The following GP2 variants were observed in gnomAD, a reference collection of about 807,000 sequenced individuals.
The protein encoded by GP2 is pancreatic secretory granule membrane major glycoprotein GP2.
GP2 carries 58 observed loss-of-function variants against 60.8 expected under a neutral mutation model. That is an observed-to-expected ratio of 0.95 (90% CI 0.77 to 1.19). The LOEUF is 1.19. Among genes scored for constraint, GP2 ranks in the 50% most tolerant of loss-of-function variants. The pLI is 0.00. For missense variants in GP2, 647 were observed against 667.4 expected (o/e 0.97, Z 0.34); for synonymous variants, 280 against 253.4 (o/e 1.10, Z -1.00).
At chr16:20,318,811 TA>T (rs944472723) in intron 6 of GP2, among the ~76,000 whole-genome samples, 12 of 152,326 alleles carry the variant, frequency 7.9e-5, no homozygotes, top group African/African-American at 2.9e-4. Context: ...TTTAACAAGA[TA>T]AATGGCTTTC....
At chr16:20,318,903 A>G (rs985558244) in intron 6 of GP2, among the ~76,000 whole-genome samples, 2 of 152,124 alleles carry the variant, frequency 1.3e-5, no homozygotes, top group African/African-American at 4.8e-5. Flanking sequence ...AATCCTTCTG[A>G]TCCTGTTGCT....
rs567754405 is a variant in GP2 at position 20,313,958 on chromosome 16, C to T, written c.1546+699G>A. Among the ~76,000 whole-genome samples the T allele has an allele frequency of 2.4e-4, 37 of 152,156 alleles. 2 individuals carry two copies. In the East Asian group the frequency reaches 2.5e-3, roughly 10 times the overall value. On this transcript the variant is annotated intron_variant, in intron 10 of 10. Transcript: ENST00000302555. ...CTTTGACAGCTTTATGGTGCTGCCC[C>T]GCTAGCCTTGGACAGCTTGCCTCTA... is the stretch of plus-strand genomic sequence containing the variant.
intron 1 of GP2, chr16:20,327,211 A>G (rs753063481): frequency 1.9e-5 from 6 of 317,772 alleles, no homozygotes; most frequent in South Asian, 2.9e-5. Context: ...TGAGATCCCA[A>G]TAGAGACCTA....
At position 20,320,360 on chromosome 16, in the gene GP2, G is replaced by A. The variant is rs753458433; in HGVS notation, c.760C>T (p.Arg254Ter). 26 of 1,613,624 alleles carry A rather than the reference G, an allele frequency of 1.6e-5. No homozygotes were observed. Among genetic ancestry groups the A allele is most frequent in the South Asian group, 1.2e-4 (11 of 91,078 alleles). Residue 254 changes from arginine to a stop codon, truncating the protein, a stop_gained, in exon 5 of 11, where the codon CGA becomes TGA. Coordinates refer to ENST00000302555, the MANE Select transcript of GP2 (RefSeq NM_001502.4). LOFTEE classifies it high-confidence loss of function. ...AAGATGCTGCTGCAGTTTGGGTCTC[G>A]CAGGTAGGCAATGACCTCCTCCCCC... Reference protein sequence around the residue: ...GLGEEVIAYLRDPNCSSILQT... With the variant: ...GLGEEVIAYL
intron 8 of GP2, among the ~76,000 whole-genome samples, chr16:20,316,888 A>C (rs13333196): frequency 1.4e-5 from 2 of 143,374 alleles, no homozygotes; most frequent in African/African-American, 5.2e-5. Flanking sequence ...TCCTTTCTCC[A>C]TCCCTCCTGT....
intron 10 of GP2, among the ~76,000 whole-genome samples, chr16:20,311,748 C>T (rs1964002163): frequency 6.6e-6 from 1 of 152,164 alleles, no homozygotes; most frequent in East Asian, 1.9e-4. Flanking sequence ...AGCAGAACTG[C>T]ATCCCCTCCC....
intron 10 of GP2, among the ~76,000 whole-genome samples, chr16:20,314,292 TC>T (rs1964088890): frequency 6.8e-6 from 1 of 147,066 alleles, no homozygotes; most frequent in Non-Finnish European, 1.5e-5. Flanking sequence ...GAAATGAATT[TC>T]TTTTTTTTTT....
In GP2 at chr16:20,310,488, G is replaced by A. The variant is rs1963964750; in HGVS notation, c.*735C>T. 1 of 152,206 alleles carries A rather than the reference G, an allele frequency of 6.6e-6. No individual in the cohort carries two copies. Among genetic ancestry groups the A allele is most frequent in the Non-Finnish European group, 1.5e-5 (1 of 68,068 alleles). 9.4% of individuals were successfully genotyped at this position (152,206 alleles called of 1,614,324 possible). On this transcript the variant is annotated 3_prime_UTR_variant, in exon 11 of 11. Transcript: ENST00000302555. ...GATAGAAACAATCAGAGGAAGCAGA[G>A]TGAACACAAGGGTCAGTTTCTTCAA...
chr16:20,311,455 AT>A (rs1248254924), intron 10 of GP2, among the ~76,000 whole-genome samples, 174 bp from the exon 11 acceptor site: 1 of 151,980 alleles, frequency 6.6e-6, no homozygotes, highest in East Asian at 1.9e-4. Context: ...ATCACCAACC[AT>A]TTTTTTCATT....
At chr16:20,322,762 G>T in intron 4 of GP2, 107 bp downstream of exon 4, 1 of 653,386 alleles carries the variant, frequency 1.5e-6, no homozygotes. Flanking sequence ...TTGACCTCAG[G>T]TCCATGCCCC....
Position 20,323,979 on chromosome 16 carries a change from G to T in GP2, c.372C>A (p.Thr124=). The part of the protein sequence containing the change: ...QTDAPMWLNG[T]HPALGDGITN... Reference sequence around the variant, plus strand: ...TGATGCCATCCCCAAGGGCAGGGTGGGTCCCATTCAGCCACATGGGAGCGT... The same window carrying T: ...TGATGCCATCCCCAAGGGCAGGGTGTGTCCCATTCAGCCACATGGGAGCGT... Residue 124 remains threonine, a synonymous_variant, in exon 3 of 11, where the codon ACC becomes ACA. Transcript: ENST00000302555. 1 of 1,614,144 alleles carries T rather than the reference G, an allele frequency of 6.2e-7. No individual in the cohort carries two copies.
chr16:20,313,704 T>A (rs1964065478), intron 10 of GP2, among the ~76,000 whole-genome samples: 1 of 152,246 alleles, frequency 6.6e-6, no homozygotes, highest in Non-Finnish European at 1.5e-5. Flanking sequence ...TTCCTAGCTT[T>A]CTTCACAGCA....
intron 8 of GP2, among the ~76,000 whole-genome samples, 169 bp from the exon 9 acceptor site, chr16:20,316,209 A>G (rs999607419): frequency 3.3e-5 from 5 of 152,228 alleles, no homozygotes; most frequent in Non-Finnish European, 5.9e-5. Flanking sequence ...TATCACTGTC[A>G]TGCCAAACAA....
rs759670649 is a variant in GP2 at position 20,318,356 on chromosome 16, G to T, written c.1082C>A (p.Thr361Lys). The T allele has an allele frequency of 6.2e-7, 1 of 1,612,484 alleles. No individual in the cohort carries two copies. Among genetic ancestry groups the T allele is most frequent in the Non-Finnish European group, 8.5e-7 (1 of 1,178,520 alleles). The change falls in exon 7 of 11, where the codon ACG becomes AAG. Residue 361 changes from threonine (T) to lysine (K), a missense_variant. Transcript: ENST00000302555. ...RMALFQDQNY[T>K]NPYEGDAVEL... ...AACTGCATCCCCTTCGTAAGGATTC[G>T]TGTAGTTCTGGTCTTGGAAGAGGGC...
intron 6 of GP2, 55 bp from the exon 7 acceptor site, chr16:20,318,485 C>T: frequency 6.4e-7 from 1 of 1,556,820 alleles, no homozygotes. Context: ...ATAAATCAAG[C>T]CCTGCACTTA....
Position 20,324,030 on chromosome 16 carries a change from A to G in GP2, c.321T>C (p.Cys107=). 6.2e-7 allele frequency: 1 copy of G among 1,613,712 alleles called. No individual in the cohort carries two copies. The highest frequency in any genetic ancestry group is 1.3e-5 in the African/African-American group (1 of 75,050). The change falls in exon 3 of 11, where the codon TGT becomes TGC. Residue 107 remains cysteine (C), a synonymous_variant. Coordinates refer to ENST00000302555, the MANE Select transcript of GP2 (RefSeq NM_001502.4). ...CTGTCTGGCATCGGTGCACCTGGAC[A>G]CAGGTCTCCGACATCCTTACTCCTC... The part of the protein sequence containing the change: ...GEGGVRMSET[C]VQVHRCQTDA...
Position 20,316,033 on chromosome 16 carries a change from G to C in GP2, c.1424C>G (p.Ser475Ter). ...SLNEQCQPSCSRSQVRSEVPA... is the reference protein window; with the variant it reads ...SLNEQCQPSC ...TACTTCACTGCGGACTTGACTTCTT[G>C]AGCAAGACTGTAGGGATGATGAACT... The change falls in exon 9 of 11, where the codon TCA (serine) becomes TGA (stop). Residue 475 changes from serine (S) to a stop codon, truncating the protein, a stop_gained. Coordinates refer to ENST00000302555, the MANE Select transcript of GP2 (RefSeq NM_001502.4). LOFTEE classifies it high-confidence loss of function. The C allele has an allele frequency of 1.9e-6, 3 of 1,605,974 alleles. No individual in the cohort carries two copies. The highest frequency in any genetic ancestry group is 2.6e-6 in the Non-Finnish European group (3 of 1,172,616).
chr16:20,317,593 T>C (rs1003698699), intron 7 of GP2, among the ~76,000 whole-genome samples: 2 of 152,196 alleles, frequency 1.3e-5, no homozygotes, highest in African/African-American at 4.8e-5. Context: ...ACCCACGTTC[T>C]AGCTAAGTGA....
intron 5 of GP2, 44 bp from the exon 6 acceptor site, chr16:20,319,812 G>T (rs762137295): frequency 2.1e-6 from 3 of 1,418,348 alleles, no homozygotes; most frequent in South Asian, 2.4e-5. Context: ...ATGTGTATGT[G>T]TATGTAGGTG....
Sources: gnomAD v4.1 joint callset for allele counts (sites outside exome capture counted in the v4.1 genomes callset) on GRCh38, gnomAD v4.1.1 for gene constraint, MANE v1.5 for transcripts, NCBI Gene and HGNC (gene_info 2026-07-23, HGNC 2026-07-21) for gene names.